NUBPL: variants seen among roughly 807,000 people sequenced by gnomAD.
NUBPL encodes NUBP iron-sulfur cluster assembly factor, mitochondrial.
NUBPL carries 31 observed loss-of-function variants against 45.7 expected under a neutral mutation model. The observed-to-expected ratio is 0.68, with a 90% CI of 0.51 to 0.92. The LOEUF is 0.92. NUBPL is among the 40% of genes least tolerant of loss of function. The probability of loss-of-function intolerance (pLI) is 0.00; values close to 1 mark genes in which losing one functional copy is unlikely to be tolerated. For synonymous variants in NUBPL, 144 were observed against 140.9 expected (o/e 1.02, Z -0.15); for missense variants, 401 against 398.7 (o/e 1.01, Z -0.05).
chr14:31,707,947 T>A (rs12147459), intron 6 of NUBPL, among the ~76,000 whole-genome samples: 45,916 of 151,990 alleles, frequency 0.3, 7,669 homozygotes, highest in South Asian at 0.41. Context: ...ACTGTCCACA[T>A]AAGTTGGGAC....
chr14:31,742,575 A>G (rs570287224), intron 6 of NUBPL, among the ~76,000 whole-genome samples: 1 of 152,082 alleles, frequency 6.6e-6, no homozygotes, highest in Non-Finnish European at 1.5e-5. Flanking sequence ...GTCTTTTCAC[A>G]TTGACCTGTG....
intron 6 of NUBPL, among the ~76,000 whole-genome samples, chr14:31,717,779 T>A (rs78506815): frequency 2.7e-5 from 4 of 148,498 alleles, no homozygotes; most frequent in Non-Finnish European, 4.5e-5. Context: ...GGTGTTTGTT[T>A]AAAAAAAAAA....
intron 6 of NUBPL, among the ~76,000 whole-genome samples, chr14:31,748,150 T>C (rs2038441616): frequency 6.6e-6 from 1 of 152,232 alleles, no homozygotes; most frequent in Non-Finnish European, 1.5e-5. Context: ...TATTCCGTTG[T>C]GATCAGAGGA....
intron 3 of NUBPL, among the ~76,000 whole-genome samples, chr14:31,576,714 A>G (rs137944463): frequency 2.0e-5 from 3 of 152,288 alleles, no homozygotes; most frequent in Non-Finnish European, 4.4e-5. Flanking sequence ...CACTTTTATC[A>G]GGTCCTCTAT....
intron 10 of NUBPL, among the ~76,000 whole-genome samples, chr14:31,851,138 C>A (rs2040531942): frequency 6.6e-6 from 1 of 151,892 alleles, no homozygotes; most frequent in Non-Finnish European, 1.5e-5. Flanking sequence ...CTAAATAACA[C>A]TTGCTATTTA....
At chr14:31,703,090 ACTTATATT>A (rs1281122645) in intron 6 of NUBPL, 2 of 152,216 alleles carry the variant, frequency 1.3e-5, no homozygotes, top group Non-Finnish European at 2.9e-5. Flanking sequence ...CTACTCTAAT[ACTTATATT>A]CTTATATTCT....
Position 31,565,004 on chromosome 14 carries a change from T to G in NUBPL, c.257-10T>G. 1.3e-6 allele frequency: 2 copies of G among 1,513,986 alleles called. No homozygotes were observed. The highest frequency in any genetic ancestry group is 1.8e-6 in the Non-Finnish European group (2 of 1,101,094). The allele number at this position is 1,513,986 out of a possible 1,614,324, so 93.8% of individuals were successfully genotyped here. ...TTACTAAATTCAATTACTTTTTTTGTTTCTTACAGTGAATCTTGCACTTGC... is the reference window on the plus strand; with the variant it reads ...TTACTAAATTCAATTACTTTTTTTGGTTCTTACAGTGAATCTTGCACTTGC... On this transcript the variant is annotated splice_polypyrimidine_tract_variant and intron_variant, in intron 2 of 10. Coordinates refer to ENST00000281081, the MANE Select transcript of NUBPL (RefSeq NM_025152.3).
At chr14:31,620,411 T>A (rs2035027607) in intron 4 of NUBPL, among the ~76,000 whole-genome samples, 2 of 152,218 alleles carry the variant, frequency 1.3e-5, no homozygotes, top group Admixed American at 1.3e-4. Context: ...CCCATCTTTG[T>A]GGATTTATCT....
chr14:31,606,279 C>G (rs1300614791), intron 4 of NUBPL, among the ~76,000 whole-genome samples: 2 of 151,366 alleles, frequency 1.3e-5, no homozygotes, highest in African/African-American at 4.9e-5. Flanking sequence ...TTTTGTAGAG[C>G]TGGGGTCTCA....
rs188522038 is a variant in NUBPL, at chr14:31,784,862, T to C, written c.514-2918T>C. On this transcript the variant is annotated intron_variant, in intron 6 of 10. Coordinates refer to ENST00000281081, the MANE Select transcript of NUBPL (RefSeq NM_025152.3). ...GGAATGTTTTGAAGAAAACACGATGTCAGGGAAGGAGAGAGTTTAATGGTT... is the reference window on the plus strand; with the variant it reads ...GGAATGTTTTGAAGAAAACACGATGCCAGGGAAGGAGAGAGTTTAATGGTT... Among the ~76,000 whole-genome samples the C allele has an allele frequency of 1.2e-3, 180 of 152,334 alleles. 3 individuals carry two copies. The Middle Eastern group carries it at 0.027, about 23-fold the overall frequency.
chr14:31,646,551 A>G (rs778425947), intron 4 of NUBPL, among the ~76,000 whole-genome samples: 8 of 151,988 alleles, frequency 5.3e-5, no homozygotes, highest in Non-Finnish European at 7.4e-5. Flanking sequence ...TCTGGCCTGT[A>G]TGGTTTCTGT....
chr14:31,810,974 T>C (rs1254265077), intron 7 of NUBPL, among the ~76,000 whole-genome samples: 2 of 152,246 alleles, frequency 1.3e-5, no homozygotes, highest in Admixed American at 1.3e-4. Context: ...GTAGGGTTTC[T>C]GGCGAGAGAT....
At chr14:31,724,702 T>C (rs1297090227) in intron 6 of NUBPL, among the ~76,000 whole-genome samples, 1 of 152,216 alleles carries the variant, frequency 6.6e-6, no homozygotes, top group African/African-American at 2.4e-5. Context: ...TTAGTTACTA[T>C]GCTAGGGCTG....
In NUBPL at chr14:31,861,148, G is replaced by T. The variant is rs1285557292; in HGVS notation, c.*1968G>T. ...GGGGGAAATTGGGTGAAGGGCACATGGAATCTCTGTATTATTTCAACTGCA... is the reference window on the plus strand; with the variant it reads ...GGGGGAAATTGGGTGAAGGGCACATTGAATCTCTGTATTATTTCAACTGCA... On this transcript the variant is annotated 3_prime_UTR_variant, in exon 11 of 11. Coordinates refer to ENST00000281081, the MANE Select transcript of NUBPL (RefSeq NM_025152.3). 2.6e-5 allele frequency: 4 copies of T among 152,176 alleles called. No homozygotes were observed. The highest frequency in any genetic ancestry group is 3.4e-3 in the Middle Eastern group (1 of 294). The allele number at this position is 152,176 out of a possible 1,614,324, so 9.4% of individuals were successfully genotyped here.
intron 6 of NUBPL, among the ~76,000 whole-genome samples, chr14:31,755,636 C>A (rs1381096724): frequency 6.6e-6 from 1 of 152,130 alleles, no homozygotes; most frequent in Non-Finnish European, 1.5e-5. Flanking sequence ...AATTTTCTCC[C>A]ATTTTGTAGG....
rs201009292 is a variant in NUBPL at position 31,729,284 on chromosome 14, C to CA, written c.513+55710_513+55711insA. The stretch of plus-strand genomic sequence containing the variant: ...ACAGAGAGATGCTCCATCCCCCCCC[C>CA]CCCCAAAAAAAAAGTCATTCAACAA... On this transcript the variant is annotated intron_variant, in intron 6 of 10. Transcript: ENST00000281081. Among the ~76,000 whole-genome samples the CA allele has an allele frequency of 1.4e-5, 2 of 145,940 alleles. 1 individual carries two copies. The highest frequency in any genetic ancestry group is 4.2e-4 in the East Asian group (2 of 4,816).
At chr14:31,642,886 G>T (rs2035744542) in intron 4 of NUBPL, among the ~76,000 whole-genome samples, 1 of 151,986 alleles carries the variant, frequency 6.6e-6, no homozygotes, top group South Asian at 2.1e-4. Context: ...TGGTGAAATT[G>T]ATTTCTAAGT....
rs34912965 is a variant in NUBPL at position 31,646,848 on chromosome 14, GT to G, written c.383-26497del. On this transcript the variant is annotated intron_variant, in intron 4 of 10. Transcript: ENST00000281081. The stretch of plus-strand genomic sequence containing the variant: ...TTCAGCACCAACACTTCTCAAATTT[GT>G]TTTTTTTTTGAGATAATTTTCTATA... 2.0e-4 allele frequency among the ~76,000 whole-genome samples: 29 copies of G among 147,160 alleles called. No individual in the cohort carries two copies. The East Asian group carries it at 2.2e-3, about 11-fold the overall frequency.
chr14:31,586,626 G>A (rs1396077527), intron 3 of NUBPL, among the ~76,000 whole-genome samples: 1 of 152,156 alleles, frequency 6.6e-6, no homozygotes, highest in Non-Finnish European at 1.5e-5. Flanking sequence ...TTATTTACAA[G>A]GGAAGAAAAC....
Sources: allele counts gnomAD v4.1 joint callset (sites outside exome capture counted in the v4.1 genomes callset), GRCh38; gene constraint gnomAD v4.1.1; transcripts MANE v1.5; gene names NCBI Gene and HGNC (gene_info 2026-07-23, HGNC 2026-07-21).